FAT3: variants seen among roughly 807,000 people sequenced by gnomAD.
FAT3 encodes protocadherin Fat 3.
In FAT3, 95 loss-of-function variants were observed where a neutral mutation model predicts 310.2. That is an observed-to-expected ratio of 0.31 (90% CI 0.26 to 0.36). FAT3 has a LOEUF of 0.36. FAT3 is among the 10% of genes least tolerant of loss of function. FAT3 has a pLI of 1.00. For missense variants in FAT3, 5,408 were observed against 5,715.6 expected (o/e 0.95, Z 1.74); for synonymous variants, 2,314 against 2,192.9 (o/e 1.06, Z -1.54).
rs536693987 is a variant in FAT3 at position 92,354,307 on chromosome 11, A to C, written c.2195A>C (p.Asp732Ala). 6 of 1,613,780 alleles carry C rather than the reference A, an allele frequency of 3.7e-6. No individual in the cohort carries two copies. In the African/African-American group the frequency reaches 8.0e-5, roughly 22 times the overall value. ...TATTTTGACAAGTCTTTTCCTTCTGATGTGGCTGTAAAGGAGGATCTGCCA... is the reference window on the plus strand; with the variant it reads ...TATTTTGACAAGTCTTTTCCTTCTGCTGTGGCTGTAAAGGAGGATCTGCCA... The part of the protein sequence containing the change: ...GPYFDKSFPS[D>A]VAVKEDLPVG... The change falls in exon 2 of 28, where the codon GAT becomes GCT. Residue 732 changes from aspartate to alanine, a missense_variant. Asp to Ala is a moderately radical substitution (Grantham distance 126). Around this residue, in one of 5 missense-constraint regions of FAT3, gnomAD observed 4,588 missense variants for 4,809.8 expected, o/e 0.95. Transcript: ENST00000525166.
chr11:92,889,532 A>G (rs1231699303), intron 26 of FAT3, among the ~76,000 whole-genome samples: 1 of 152,234 alleles, frequency 6.6e-6, no homozygotes, highest in Non-Finnish European at 1.5e-5. Context: ...TTTATATTCA[A>G]CATGTGTTCA....
At chr11:92,866,100 T>C (rs532486539) in intron 21 of FAT3, among the ~76,000 whole-genome samples, 2 of 152,348 alleles carry the variant, frequency 1.3e-5, no homozygotes, top group South Asian at 4.1e-4. Context: ...GAGCAGCTTT[T>C]AAATCTTAAA....
intron 3 of FAT3, among the ~76,000 whole-genome samples, chr11:92,696,044 T>C (rs1190022927): frequency 1.3e-5 from 2 of 152,206 alleles, no homozygotes; most frequent in African/African-American, 2.4e-5. Context: ...GTGATGGATA[T>C]GTTAATTCAC....
At chr11:92,722,907 G>A (rs1944905311) in intron 4 of FAT3, among the ~76,000 whole-genome samples, 1 of 152,206 alleles carries the variant, frequency 6.6e-6, no homozygotes, top group South Asian at 2.1e-4. Flanking sequence ...GGGGACCCTG[G>A]GCCTGGCCTA....
At chr11:92,806,322 A>T (rs1591760573) in intron 11 of FAT3, 40 bp from the exon 12 acceptor site, 2 of 1,549,820 alleles carry the variant, frequency 1.3e-6, no homozygotes, top group East Asian at 4.6e-5. Flanking sequence ...TGCCCCCACA[A>T]ATACTAATGA....
chr11:92,573,238 T>A (rs932747826), intron 3 of FAT3, among the ~76,000 whole-genome samples: 1 of 152,116 alleles, frequency 6.6e-6, no homozygotes, highest in African/African-American at 2.4e-5. Context: ...AGGTGTGCCG[T>A]GGGATGACCC....
chr11:92,566,508 A>C (rs929945602), intron 3 of FAT3, among the ~76,000 whole-genome samples: 6 of 151,526 alleles, frequency 4.0e-5, no homozygotes, highest in South Asian at 2.1e-4. Flanking sequence ...GCTACCAATG[A>C]CTTTCTTCAC....
At chr11:92,542,589 A>C (rs1954487411) in intron 3 of FAT3, among the ~76,000 whole-genome samples, 1 of 152,128 alleles carries the variant, frequency 6.6e-6, no homozygotes, top group Admixed American at 6.6e-5. Context: ...ATATGAAAAA[A>C]TACTCAACAT....
At chr11:92,876,179 C>T (rs951506157) in intron 22 of FAT3, among the ~76,000 whole-genome samples, 2 of 152,134 alleles carry the variant, frequency 1.3e-5, no homozygotes, top group African/African-American at 4.8e-5. Context: ...TCCTGACTTC[C>T]CTCCCCATCA....
chr11:92,521,643 G>T (rs1025501042), intron 2 of FAT3, among the ~76,000 whole-genome samples: 1 of 152,186 alleles, frequency 6.6e-6, no homozygotes, highest in Admixed American at 6.5e-5. Flanking sequence ...TGGGTAGAAA[G>T]TGAAGGATTC....
At chr11:92,460,949 C>CT (rs1413614801) in intron 2 of FAT3, among the ~76,000 whole-genome samples, 1 of 152,120 alleles carries the variant, frequency 6.6e-6, no homozygotes, top group Non-Finnish European at 1.5e-5. Flanking sequence ...AGAAGATCCC[C>CT]TTTTTTTCTG....
chr11:92,754,808 CA>C (rs1945944090), intron 4 of FAT3, among the ~76,000 whole-genome samples: 1 of 151,432 alleles, frequency 6.6e-6, no homozygotes, highest in South Asian at 2.1e-4. Flanking sequence ...GGGGAGGTTG[CA>C]GTGAGTGGAG....
intron 3 of FAT3, among the ~76,000 whole-genome samples, chr11:92,671,226 G>A (rs995825255): frequency 2.6e-5 from 4 of 151,792 alleles, no homozygotes; most frequent in African/African-American, 9.7e-5. Flanking sequence ...CGTATTTTTA[G>A]TAGGAACGGG....
chr11:92,844,528 A>G lies in FAT3; in HGVS notation c.11161A>G (p.Lys3721Glu), dbSNP rs1948637509. The G allele has an allele frequency of 6.2e-7, 1 of 1,614,008 alleles. No individual in the cohort carries two copies. Among genetic ancestry groups the G allele is most frequent in the African/African-American group, 1.3e-5 (1 of 75,052 alleles). The stretch of plus-strand genomic sequence containing the variant: ...CTACAAGCCAGCCTACCTGATCCAG[A>G]AGCTGTCCAATGCTAGAAGACACCT... ...EFYKPAYLIQKLSNARRHLEN... is the reference protein window; with the variant it reads ...EFYKPAYLIQELSNARRHLEN... Residue 3721 changes from lysine to glutamate, a missense_variant, in exon 19 of 28, where the codon AAG becomes GAG. This residue lies in a region of FAT3 where 4,588 missense variants were observed against 4,809.8 expected (regional missense o/e 0.95). Transcript: ENST00000525166.
In FAT3 at chr11:92,867,224, G is replaced by T. The variant is rs371304090; in HGVS notation, c.12127+15G>T. ...GCCATCGGGGGGTGAGTGTGGCTACGCAGTGGGCACTGGCCTGGGGGTTTG... is the reference window on the plus strand; with the variant it reads ...GCCATCGGGGGGTGAGTGTGGCTACTCAGTGGGCACTGGCCTGGGGGTTTG... On this transcript the variant is annotated intron_variant, in intron 22 of 27. Coordinates refer to ENST00000525166, the MANE Select transcript of FAT3 (RefSeq NM_001367949.2). 5.2e-6 allele frequency: 8 copies of T among 1,545,942 alleles called. No homozygotes were observed. Among genetic ancestry groups the T allele is most frequent in the South Asian group, 3.6e-5 (3 of 84,086 alleles).
At chr11:92,839,272 C>T (rs2136279795) in intron 17 of FAT3, among the ~76,000 whole-genome samples, 1 of 152,298 alleles carries the variant, frequency 6.6e-6, no homozygotes, top group South Asian at 2.1e-4. Flanking sequence ...TTACCTTATA[C>T]CCTTCTTCTC....
intron 4 of FAT3, among the ~76,000 whole-genome samples, chr11:92,707,396 G>A (rs1356746940): frequency 6.6e-6 from 1 of 152,196 alleles, no homozygotes; most frequent in Non-Finnish European, 1.5e-5. Flanking sequence ...CTTGTGGATG[G>A]GAACGTGGTG....
intron 3 of FAT3, among the ~76,000 whole-genome samples, chr11:92,637,260 C>T (rs1343820918): frequency 6.6e-6 from 1 of 152,184 alleles, no homozygotes; most frequent in Non-Finnish European, 1.5e-5. Context: ...AGAGAAGAAG[C>T]ATGAGACTTC....
At chr11:92,778,782 G>C (rs573241255) in intron 7 of FAT3, among the ~76,000 whole-genome samples, 1 of 151,962 alleles carries the variant, frequency 6.6e-6, no homozygotes, top group Non-Finnish European at 1.5e-5. Flanking sequence ...GCACACACCT[G>C]GGGGGATCAT....
Sources: gnomAD v4.1 joint callset for allele counts (sites outside exome capture counted in the v4.1 genomes callset) on GRCh38, gnomAD v4.1.1 for gene constraint, gnomAD v4.1.1 regional missense constraint, MANE v1.5 for transcripts, NCBI Gene and HGNC (gene_info 2026-07-23, HGNC 2026-07-21) for gene names.